Variants in ACAD11 observed in about 807,000 individuals in gnomAD.
The protein encoded by ACAD11 is acyl-CoA dehydrogenase family member 11.
Under a neutral mutation model 102.2 loss-of-function variants are expected in ACAD11, and 83 were observed. The observed-to-expected ratio is 0.81, with a 90% CI of 0.68 to 0.97. The LOEUF is 0.97. Ranked by LOEUF, ACAD11 falls within the 50% of genes least tolerant of loss-of-function variation. The probability of loss-of-function intolerance (pLI) is 0.00; values close to 1 mark genes in which losing one functional copy is unlikely to be tolerated. For synonymous variants in ACAD11, 324 were observed against 319.8 expected (o/e 1.01, Z -0.14); for missense variants, 901 against 951.7 (o/e 0.95, Z 0.70).
intron 13 of ACAD11, among the ~76,000 whole-genome samples, chr3:132,602,859 G>A (rs944245361): frequency 7.9e-5 from 12 of 152,082 alleles, no homozygotes; most frequent in Non-Finnish European, 1.3e-4. Context: ...GTGAAGTACA[G>A]TGGTGCCATC....
Position 132,651,118 on chromosome 3 carries a change from T to G in ACAD11, c.150-6222A>C, listed in dbSNP as rs536617823. Among the ~76,000 whole-genome samples, 32 of 152,320 alleles carry G rather than the reference T, an allele frequency of 2.1e-4. 1 individual carries two copies. Among genetic ancestry groups the G allele is most frequent in the African/African-American group, 6.5e-4 (27 of 41,568 alleles). On this transcript the variant is annotated intron_variant, in intron 1 of 19. Coordinates refer to ENST00000264990, the MANE Select transcript of ACAD11 (RefSeq NM_032169.5). ...GTGGTAGATGTTTTTCCCACATCAG[T>G]CTTCTAGTAAGCCTGGATGGAGTCT...
chr3:132,600,454 T>C, intron 13 of ACAD11: 1 of 1,612,072 alleles, frequency 6.2e-7, no homozygotes, highest in Non-Finnish European at 8.5e-7. Flanking sequence ...ATGAAATGAA[T>C]GGCACTTATG....
intron 13 of ACAD11, chr3:132,602,256 A>G (rs1362881656): frequency 1.2e-5 from 2 of 166,922 alleles, no homozygotes; most frequent in African/African-American, 4.8e-5. Context: ...GTAAGTTCCT[A>G]AAGACATAAT....
chr3:132,587,559 T>A (rs1937894391), intron 13 of ACAD11, among the ~76,000 whole-genome samples: 1 of 152,240 alleles, frequency 6.6e-6, no homozygotes, highest in Non-Finnish European at 1.5e-5. Context: ...CCTTAAGTCC[T>A]TGTCTGATGA....
chr3:132,595,293 G>C (rs1938251702), intron 13 of ACAD11, among the ~76,000 whole-genome samples: 1 of 152,188 alleles, frequency 6.6e-6, no homozygotes, highest in Non-Finnish European at 1.5e-5. Context: ...CTCTCAAACA[G>C]CAAGAAGCTG....
chr3:132,580,574 T>A (rs1937583391), intron 13 of ACAD11, among the ~76,000 whole-genome samples: 1 of 152,014 alleles, frequency 6.6e-6, no homozygotes, highest in Non-Finnish European at 1.5e-5. Context: ...AAAGTATTAA[T>A]GGTAATTATT....
intron 17 of ACAD11, among the ~76,000 whole-genome samples, chr3:132,572,500 A>G (rs183950117): frequency 1.8e-4 from 28 of 152,344 alleles, no homozygotes; most frequent in African/African-American, 6.5e-4. Flanking sequence ...TGCTATTCCT[A>G]TCAAGCTACC....
chr3:132,598,993 G>A (rs1938444940), intron 13 of ACAD11, among the ~76,000 whole-genome samples: 2 of 151,888 alleles, frequency 1.3e-5, no homozygotes, highest in Non-Finnish European at 2.9e-5. Context: ...GTATTGAGGA[G>A]GAGTAACAAC....
intron 13 of ACAD11, among the ~76,000 whole-genome samples, chr3:132,588,320 T>C (rs529086640): frequency 7.2e-5 from 11 of 152,180 alleles, no homozygotes; most frequent in Admixed American, 2.6e-4. Flanking sequence ...CCCCCAGAGT[T>C]CTTACCTTTA....
rs568854478 is a variant in ACAD11, at chr3:132,616,140, C to T, written c.1414+2494G>A. On this transcript the variant is annotated intron_variant, in intron 11 of 19. Coordinates refer to ENST00000264990, the MANE Select transcript of ACAD11 (RefSeq NM_032169.5). ...TGGTACCTTCACCACAAAGAGAAAA[C>T]GCCTAGTTTTCTATTTATAGTTGTA... Among the ~76,000 whole-genome samples, 17 of 152,236 alleles carry T rather than the reference C, an allele frequency of 1.1e-4. No homozygotes were observed. The South Asian group carries it at 2.7e-3, about 24-fold the overall frequency.
intron 17 of ACAD11, among the ~76,000 whole-genome samples, chr3:132,572,890 G>A (rs1254031812): frequency 6.6e-6 from 1 of 152,060 alleles, no homozygotes; most frequent in Non-Finnish European, 1.5e-5. Context: ...TTTTTTTGAC[G>A]TTTAATTGTC....
intron 13 of ACAD11, among the ~76,000 whole-genome samples, chr3:132,593,259 G>C (rs1028084819): frequency 4.6e-5 from 7 of 152,018 alleles, no homozygotes; most frequent in African/African-American, 1.7e-4. Context: ...CAAAATGTAT[G>C]CAATACTTAG....
At chr3:132,590,543 G>A (rs993763524) in intron 13 of ACAD11, among the ~76,000 whole-genome samples, 13 of 152,058 alleles carry the variant, frequency 8.5e-5, no homozygotes, top group African/African-American at 2.4e-4. Flanking sequence ...CACCGTGCCC[G>A]GCCAGTAGTT....
Position 132,631,006 on chromosome 3 carries a change from G to C in ACAD11, c.841+335C>G, listed in dbSNP as rs116955670. Among the ~76,000 whole-genome samples, 414 of 152,276 alleles carry C rather than the reference G, an allele frequency of 2.7e-3. 11 individuals are homozygous for C. In the East Asian group the frequency reaches 0.073, roughly 27 times the overall value. On this transcript the variant is annotated intron_variant, in intron 6 of 19. Transcript: ENST00000264990. ...GAATCACTTGAGCCCAGGAGTTCAA[G>C]GTTTCAGTGAGCTATGATTGTGGCA...
chr3:132,568,156 G>GC (rs1294297648), intron 17 of ACAD11, among the ~76,000 whole-genome samples: 1 of 152,122 alleles, frequency 6.6e-6, no homozygotes, highest in African/African-American at 2.4e-5. Flanking sequence ...GAACCCAGGA[G>GC]GCGGAGACCG....
intron 11 of ACAD11, among the ~76,000 whole-genome samples, chr3:132,616,857 T>C (rs1396881483): frequency 6.6e-6 from 1 of 152,208 alleles, no homozygotes; most frequent in Admixed American, 6.5e-5. Context: ...ACAGCAGTAA[T>C]TTGATAAATC....
chr3:132,560,462 G>A (rs1290089596), intron 18 of ACAD11, among the ~76,000 whole-genome samples: 2 of 152,100 alleles, frequency 1.3e-5, no homozygotes, highest in Admixed American at 1.3e-4. Context: ...ATAGAGTGGA[G>A]TGGCTATTCC....
rs376919394 is a variant in ACAD11 at position 132,566,492 on chromosome 3, AG to A, written c.2002-5276del. ...GATTCAAGAAGCTGGGTGAATCCCA[AG>A]CAGGATAAATCCTAGAAATCCATAC... On this transcript the variant is annotated intron_variant, in intron 17 of 19. Transcript: ENST00000264990. Among the ~76,000 whole-genome samples the A allele has an allele frequency of 3.6e-3, 548 of 152,256 alleles. 8 individuals are homozygous for A. The highest frequency in any genetic ancestry group is 0.012 in the African/African-American group (514 of 41,572).
intron 9 of ACAD11, among the ~76,000 whole-genome samples, chr3:132,620,193 G>T (rs1939556457): frequency 6.6e-6 from 1 of 152,176 alleles, no homozygotes; most frequent in Non-Finnish European, 1.5e-5. Flanking sequence ...CCACCCCTCA[G>T]AGGTAGACCA....
Sources: gnomAD v4.1 joint callset for allele counts (sites outside exome capture counted in the v4.1 genomes callset) on GRCh38, gnomAD v4.1.1 for gene constraint, MANE v1.5 for transcripts, NCBI Gene and HGNC (gene_info 2026-07-23, HGNC 2026-07-21) for gene names.